The following SPTBN1 variants were observed in gnomAD, a reference collection of about 807,000 sequenced individuals.
SPTBN1 encodes spectrin beta chain, non-erythrocytic 1.
SPTBN1 carries 32 observed loss-of-function variants against 266.4 expected under a neutral mutation model. That is an observed-to-expected ratio of 0.12 (90% CI 0.09 to 0.16). The LOEUF is 0.16. SPTBN1 is among the 10% of genes least tolerant of loss of function. SPTBN1 has a pLI of 1.00. For missense variants in SPTBN1, 2,296 were observed against 3,067.1 expected (o/e 0.75, Z 5.94); for synonymous variants, 1,336 against 1,162.2 (o/e 1.15, Z -3.04).
At chr2:54,578,941 T>C (rs1477183668) in intron 2 of SPTBN1, among the ~76,000 whole-genome samples, 1 of 152,166 alleles carries the variant, frequency 6.6e-6, no homozygotes, top group Admixed American at 6.5e-5. Flanking sequence ...TAGGAATGCC[T>C]AACACTGCTA....
Position 54,462,854 on chromosome 2 carries a change from G to A in SPTBN1, c.-48+6336G>A, listed in dbSNP as rs200348168. ...CTCGCTTCTGTTCCTGGCAGACATC[G>A]AAAATCAGTAATGGTACTCTTTTTC... On this transcript the variant is annotated intron_variant, in intron 1 of 35. Transcript: ENST00000356805. Among the ~76,000 whole-genome samples, 34 of 152,304 alleles carry A rather than the reference G, an allele frequency of 2.2e-4. No homozygotes were observed. The East Asian group carries it at 5.2e-3, about 23-fold the overall frequency.
intron 2 of SPTBN1, among the ~76,000 whole-genome samples, chr2:54,547,910 A>G (rs988206639): frequency 2.6e-5 from 4 of 151,806 alleles, no homozygotes; most frequent in Non-Finnish European, 4.4e-5. Flanking sequence ...TTGGGAGGCC[A>G]AGGCGGGCAG....
At position 54,598,276 on chromosome 2, in the gene SPTBN1, G is replaced by C. The variant is rs139439303; in HGVS notation, c.149-816G>C. On this transcript the variant is annotated intron_variant, in intron 2 of 35. Transcript: ENST00000356805. ...TCACGCTTTAGACCATAAATCAGCA[G>C]TTGCCTTTTCAGCGAAGGATCACAG... Among the ~76,000 whole-genome samples, 8 of 152,324 alleles carry C rather than the reference G, an allele frequency of 5.3e-5. No homozygotes were observed. The East Asian group carries it at 1.5e-3, about 29-fold the overall frequency.
intron 3 of SPTBN1, among the ~76,000 whole-genome samples, chr2:54,611,722 T>G (rs10183043): frequency 0.25 from 37,326 of 152,050 alleles, 5,446 homozygotes; most frequent in African/African-American, 0.41. Flanking sequence ...TTCCCTGTTT[T>G]CATTTTGAGC....
intron 1 of SPTBN1, among the ~76,000 whole-genome samples, chr2:54,503,205 T>G (rs1412404516): frequency 6.6e-6 from 1 of 152,328 alleles, no homozygotes; most frequent in Non-Finnish European, 1.5e-5. Context: ...TGCTGATATA[T>G]TATGCTCAGC....
At chr2:54,584,720 A>G (rs1049801929) in intron 2 of SPTBN1, among the ~76,000 whole-genome samples, 1 of 152,116 alleles carries the variant, frequency 6.6e-6, no homozygotes, top group Admixed American at 6.5e-5. Context: ...ATTATTAAAC[A>G]ATAAAATGCC....
intron 2 of SPTBN1, among the ~76,000 whole-genome samples, chr2:54,584,476 A>G (rs1675152545): frequency 6.6e-6 from 1 of 152,232 alleles, no homozygotes; most frequent in Non-Finnish European, 1.5e-5. Context: ...TTACCTTCTC[A>G]CCAACCACAT....
chr2:54,612,268 T>A lies in SPTBN1; in HGVS notation c.408T>A (p.His136Gln). ...TCCATCTTGAGAACATGGGGTCCCA[T>A]GACATCGTGGATGGAAACCACCGGC... ...QRVHLENMGS[H>Q]DIVDGNHRLT... is the part of the protein sequence containing the mutation. Residue 136 changes from histidine (H) to glutamine (Q), a missense_variant, in exon 4 of 36, where the codon CAT becomes CAA. By Grantham distance (24) the His-to-Gln change is conservative. This residue lies in a region of SPTBN1 where 178 missense variants were observed against 375.7 expected (regional missense o/e 0.47). Transcript: ENST00000356805. The A allele has an allele frequency of 6.8e-6, 11 of 1,614,142 alleles. No individual in the cohort carries two copies. Among genetic ancestry groups the A allele is most frequent in the Non-Finnish European group, 9.3e-6 (11 of 1,179,978 alleles).
rs1693036084 is a variant in SPTBN1 at position 54,456,488 on chromosome 2, G to T, written c.-78G>T. On this transcript the variant is annotated 5_prime_UTR_variant, in exon 1 of 36. Transcript: ENST00000356805. ...CCGCCGAGGAGCGGGAGGAGGACGG[G>T]ACCCCGGCGCCCCCACCCCATCCCC... is the stretch of plus-strand genomic sequence containing the variant. The T allele has an allele frequency of 6.6e-6, 1 of 151,884 alleles. No homozygotes were observed. Among genetic ancestry groups the T allele is most frequent in the African/African-American group, 2.4e-5 (1 of 41,406 alleles). 9.4% of individuals were successfully genotyped at this position (151,884 alleles called of 1,614,324 possible).
intron 35 of SPTBN1, among the ~76,000 whole-genome samples, chr2:54,667,914 G>A (rs1412741407): frequency 6.6e-6 from 1 of 152,190 alleles, no homozygotes; most frequent in Admixed American, 6.5e-5. Flanking sequence ...TAGTGAGGTG[G>A]TCCCAGGACT....
rs760858477 is a variant in SPTBN1, at chr2:54,666,042, G to A, written c.6787G>A (p.Glu2263Lys). ...VPVSLKEAVCEVALDYKKKKH... is the reference protein window; with the variant it reads ...VPVSLKEAVCKVALDYKKKKH... ...TGTGAGTTTGAAAGAAGCTGTCTGC[G>A]AAGTGGCCCTTGATTACAAAAAGAA... Residue 2263 changes from glutamate to lysine, a missense_variant, in exon 34 of 36, where the codon GAA becomes AAA. By Grantham distance (56) the Glu-to-Lys change is moderately conservative. Around this residue, in one of 12 missense-constraint regions of SPTBN1, gnomAD observed 347 missense variants for 368.5 expected, o/e 0.94. Coordinates refer to ENST00000356805, the MANE Select transcript of SPTBN1 (RefSeq NM_003128.3). The A allele has an allele frequency of 5.6e-6, 9 of 1,613,720 alleles. No homozygotes were observed. Among genetic ancestry groups the A allele is most frequent in the African/African-American group, 1.3e-5 (1 of 74,988 alleles).
intron 2 of SPTBN1, among the ~76,000 whole-genome samples, chr2:54,548,206 C>T (rs1672362016): frequency 6.6e-6 from 1 of 152,062 alleles, no homozygotes; most frequent in Admixed American, 6.5e-5. Flanking sequence ...TTTTTAAGTG[C>T]CTCCTGAGTA....
intron 1 of SPTBN1, among the ~76,000 whole-genome samples, chr2:54,477,886 G>A (rs1309604735): frequency 2.6e-5 from 4 of 151,772 alleles, no homozygotes; most frequent in Admixed American, 6.6e-5. Flanking sequence ...ATTCCAGCCT[G>A]GGTGACAGAG....
chr2:54,552,613 C>T (rs896760241), intron 2 of SPTBN1, among the ~76,000 whole-genome samples: 2 of 152,130 alleles, frequency 1.3e-5, no homozygotes, highest in African/African-American at 4.8e-5. Flanking sequence ...CCCACCACCA[C>T]ACCTGGCTCA....
At chr2:54,612,990 A>G (rs1677329906) in intron 4 of SPTBN1, among the ~76,000 whole-genome samples, 2 of 152,186 alleles carry the variant, frequency 1.3e-5, no homozygotes, top group Admixed American at 1.3e-4. Context: ...CTTTCACTTT[A>G]TGAAGAAATC....
intron 2 of SPTBN1, among the ~76,000 whole-genome samples, chr2:54,565,971 T>G (rs994718046): frequency 5.3e-5 from 8 of 152,094 alleles, no homozygotes; most frequent in African/African-American, 1.9e-4. Flanking sequence ...TTCTGGAAAA[T>G]AATGTGGACA....
Position 54,554,868 on chromosome 2 carries a change from C to T in SPTBN1, c.148+28302C>T, listed in dbSNP as rs1306018304. 2.6e-5 allele frequency among the ~76,000 whole-genome samples: 4 copies of T among 152,204 alleles called. No individual in the cohort carries two copies. Among genetic ancestry groups the T allele is most frequent in the African/African-American group, 9.7e-5 (4 of 41,448 alleles). On this transcript the variant is annotated intron_variant, in intron 2 of 35. Transcript: ENST00000356805. The surrounding 1 kb of genome is among the most constrained non-coding windows in gnomAD (Gnocchi z 4.5). The stretch of plus-strand genomic sequence containing the variant: ...GGGCCCTGCCTTGGAACATCTTCCC[C>T]TGAGTCTGATAACCCTCATTCACTA...
intron 32 of SPTBN1, chr2:54,661,019 G>C (rs747896050): frequency 1.0e-6 from 1 of 985,432 alleles, no homozygotes; most frequent in Middle Eastern, 5.2e-4. Context: ...CGTTGCACTT[G>C]GTGGACCGTG....
At chr2:54,460,590 T>G (rs1002418405) in intron 1 of SPTBN1, among the ~76,000 whole-genome samples, 1 of 152,248 alleles carries the variant, frequency 6.6e-6, no homozygotes, top group Admixed American at 6.5e-5. Flanking sequence ...GGCATCTTGA[T>G]GTCTGTCATC....
Sources: gnomAD v4.1 joint callset for allele counts (sites outside exome capture counted in the v4.1 genomes callset) on GRCh38, gnomAD v4.1.1 for gene constraint, gnomAD v4.1.1 regional missense constraint, Gnocchi (gnomAD v3.1) non-coding constraint, MANE v1.5 for transcripts, NCBI Gene and HGNC (gene_info 2026-07-23, HGNC 2026-07-21) for gene names.